Variants in PLEKHG4 observed in about 807,000 individuals in gnomAD.
PLEKHG4 encodes the protein pleckstrin homology and RhoGEF domain containing G4, also known as puratrophin-1.
PLEKHG4 carries 85 observed loss-of-function variants against 136.9 expected under a neutral mutation model. The ratio of observed to expected loss-of-function variants is 0.62; its 90% CI spans 0.52 to 0.74. The LOEUF (loss-of-function observed/expected upper bound fraction) is 0.74, where lower values mean the gene tolerates loss of function less well. Among genes scored for constraint, PLEKHG4 ranks in the 30% least tolerant of loss-of-function variants. The pLI, the probability that PLEKHG4 is intolerant of heterozygous loss-of-function variation, is 0.00. For synonymous variants in PLEKHG4, 577 were observed against 646.9 expected, an observed-to-expected ratio of 0.89 and a Z score of 1.64; for missense variants, 1,317 against 1,527.8, an observed-to-expected ratio of 0.86 and a Z score of 2.30.
chr16:67,280,193 G>A lies in PLEKHG4; in HGVS notation c.149G>A (p.Arg50Lys), dbSNP rs960603189. ...CACGTTAAGGACCCAGGTCCTCCAA[G>A]ACCACCAGCCGGGGCCACCCAGGAT... ...QMHVKDPGPPRPPAGATQDEE... is the reference protein window; with the variant it reads ...QMHVKDPGPPKPPAGATQDEE... The change falls in exon 2 of 22, where the codon AGA becomes AAA. Residue 50 changes from arginine (R) to lysine (K), a missense_variant. Transcript: ENST00000379344. The surrounding 1 kb of genome is among the most constrained non-coding windows in gnomAD (Gnocchi z 4.4). 1.2e-6 allele frequency: 2 copies of A among 1,613,910 alleles called. No homozygotes were observed. The highest frequency in any genetic ancestry group is 1.7e-5 in the Admixed American group (1 of 60,028).
In PLEKHG4 at chr16:67,287,106, G is replaced by A. The variant is rs2036511177; in HGVS notation, c.3032G>A (p.Ser1011Asn). Residue 1011 changes from serine (S) to asparagine (N), a missense_variant, in exon 18 of 22, where the codon AGC (serine) becomes AAC (asparagine). By Grantham distance (46) the Ser-to-Asn change is conservative (BLOSUM62 1). Coordinates refer to ENST00000379344, the MANE Select transcript of PLEKHG4 (RefSeq NM_001129729.3). The part of the protein sequence containing the change: ...ARDTFVLQAS[S>N]LAIKQAWTAD... ...GACACCTTTGTGCTGCAGGCCTCCA[G>A]CCTGGCTATCAAGCAGGCCTGGACA... is the stretch of plus-strand genomic sequence containing the variant. The A allele has an allele frequency of 6.2e-7, 1 of 1,612,552 alleles. No homozygotes were observed. The highest frequency in any genetic ancestry group is 1.3e-5 in the African/African-American group (1 of 74,958).
rs369994595 is a variant in PLEKHG4 at position 67,286,824 on chromosome 16, C to T, written c.2830C>T (p.Arg944Cys). 4.6e-5 allele frequency: 74 copies of T among 1,613,734 alleles called. No homozygotes were observed. The highest frequency in any genetic ancestry group is 6.7e-5 in the East Asian group (3 of 44,900). The stretch of plus-strand genomic sequence containing the variant: ...GCGCACTGGGCGCCACAAGTCCGTG[C>T]GCCGCATCTTCCTTTTTGAGGAGCT... The part of the protein sequence containing the change: ...VVRTGRHKSV[R>C]RIFLFEELLL... Residue 944 changes from arginine to cysteine, a missense_variant, in exon 17 of 22, where the codon CGC (arginine) becomes TGC (cysteine). Arg to Cys is a radical substitution (Grantham distance 180). Transcript: ENST00000379344.
chr16:67,285,560 A>G, intron 14 of PLEKHG4, 24 bp downstream of exon 14: 1 of 1,602,248 alleles, frequency 6.2e-7, no homozygotes, highest in Non-Finnish European at 8.5e-7. Flanking sequence ...GCCATGTGGT[A>G]TCAGCTCGTT....
At chr16:67,286,966 G>A (rs1388196176) in intron 17 of PLEKHG4, 34 bp from the exon 18 acceptor site, 9 of 1,612,572 alleles carry the variant, frequency 5.6e-6, no homozygotes, top group Non-Finnish European at 8.5e-7. Context: ...CCCGCCCCAT[G>A]CCTTACCAAG....
In PLEKHG4 at chr16:67,282,856, C is replaced by T; in HGVS notation, c.1507C>T (p.Gln503Ter). 6.2e-7 allele frequency: 1 copy of T among 1,610,734 alleles called. No individual in the cohort carries two copies. The change falls in exon 11 of 22, where the codon CAG becomes TAG. Residue 503 changes from glutamine (Q) to a stop codon, truncating the protein, a stop_gained and splice_region_variant. Coordinates refer to ENST00000379344, the MANE Select transcript of PLEKHG4 (RefSeq NM_001129729.3). LOFTEE classifies it high-confidence loss of function. The part of the protein sequence containing the change: ...GSFQELYQVA[Q>*]EQVRQGEKFL... ...TTTTCAGGAGCTGTACCAGGTTGCC[C>T]AGGTATATGTGGTCACTTGTTCATG...
At position 67,286,744 on chromosome 16, in the gene PLEKHG4, T is replaced by A; in HGVS notation, c.2755-5T>A. 1 of 1,613,518 alleles carries A rather than the reference T, an allele frequency of 6.2e-7. No homozygotes were observed. The highest frequency in any genetic ancestry group is 8.5e-7 in the Non-Finnish European group (1 of 1,179,614). ...CTGGCCACCCACCAGCCCCCAACTC[T>A]GCAGGTTAACCTCAAGGAACAGGGG... On this transcript the variant is annotated splice_region_variant and splice_polypyrimidine_tract_variant and intron_variant, in intron 16 of 21. Coordinates refer to ENST00000379344, the MANE Select transcript of PLEKHG4 (RefSeq NM_001129729.3).
rs1351085638 is a variant in PLEKHG4 at position 67,289,210 on chromosome 16, GC to G, written c.*404del. 1 of 445,818 alleles carries G rather than the reference GC, an allele frequency of 2.2e-6. No homozygotes were observed. The highest frequency in any genetic ancestry group is 4.1e-6 in the Non-Finnish European group (1 of 244,158). 27.6% of individuals were successfully genotyped at this position (445,818 alleles called of 1,614,324 possible). A position where few individuals can be genotyped will look rare whatever the true frequency, so the allele number is the denominator to read the frequency against. ...GGGCTCCTAGCAGCTGATCCCCAAT[GC>G]CTGGCCTTAAAGCCGAGCTCAGTTA... On this transcript the variant is annotated 3_prime_UTR_variant, in exon 22 of 22. Coordinates refer to ENST00000379344, the MANE Select transcript of PLEKHG4 (RefSeq NM_001129729.3).
chr16:67,288,382 G>A lies in PLEKHG4; in HGVS notation c.3436G>A (p.Gly1146Ser), dbSNP rs767948535. ...AGCACTGGAGGCTGAGGCAGAGCTG[G>A]GCGGCCAGCCCTCTTTGAGTATGTC... ...EAALEAEAELGGQPSLTAEDS... is the reference protein window; with the variant it reads ...EAALEAEAELSGQPSLTAEDS... The change falls in exon 20 of 22, where the codon GGC becomes AGC. Residue 1146 changes from glycine to serine, a missense_variant. Physicochemically the swap from Gly to Ser is moderately conservative, Grantham distance 56. Transcript: ENST00000379344. 2 of 1,611,628 alleles carry A rather than the reference G, an allele frequency of 1.2e-6. No individual in the cohort carries two copies. The highest frequency in any genetic ancestry group is 2.7e-5 in the African/African-American group (2 of 74,930).
chr16:67,281,783 T>C lies in PLEKHG4; in HGVS notation c.951T>C (p.Thr317=), dbSNP rs1259822926. 3 of 1,613,726 alleles carry C rather than the reference T, an allele frequency of 1.9e-6. No homozygotes were observed. Among genetic ancestry groups the C allele is most frequent in the Admixed American group, 3.3e-5 (2 of 60,010 alleles). The change falls in exon 7 of 22, where the codon ACT becomes ACC. Residue 317 remains threonine (T), a synonymous_variant. Transcript: ENST00000379344. ...ACATCCCAACGGCGGGGCTGCCCAC[T>C]TCGCTAGGAGGAGGCCTGCCTTACT... is the stretch of plus-strand genomic sequence containing the variant. ...LTHIPTAGLP[T]SLGGGLPYCH... is the part of the protein sequence containing the mutation.
chr16:67,284,359 C>G lies in PLEKHG4; in HGVS notation c.1594C>G (p.Leu532Val), dbSNP rs145759648. The G allele has an allele frequency of 1.4e-5, 23 of 1,614,064 alleles. No homozygotes were observed. The African/African-American group carries it at 1.9e-4, about 13-fold the overall frequency. ...AELDPPGARFLALRAQLTEFS... is the reference protein window; with the variant it reads ...AELDPPGARFVALRAQLTEFS... ...ACTGGACCCCCCTGGGGCACGCTTTCTGGCCCTGCGAGCCCAGCTGACTGA... is the reference window on the plus strand; with the variant it reads ...ACTGGACCCCCCTGGGGCACGCTTTGTGGCCCTGCGAGCCCAGCTGACTGA... Residue 532 changes from leucine (L) to valine (V), a missense_variant, in exon 12 of 22, where the codon CTG (leucine) becomes GTG (valine). Coordinates refer to ENST00000379344, the MANE Select transcript of PLEKHG4 (RefSeq NM_001129729.3). This position sits in a 1 kb window ranked among gnomAD's most constrained non-coding sequence, Gnocchi z 4.4.
Position 67,285,531 on chromosome 16 carries a change from C to T in PLEKHG4, c.2437C>T (p.Arg813Cys), listed in dbSNP as rs761920238. 19 of 1,607,540 alleles carry T rather than the reference C, an allele frequency of 1.2e-5. No individual in the cohort carries two copies. The highest frequency in any genetic ancestry group is 1.6e-4 in the Middle Eastern group (1 of 6,084). ...HPPRVAYAFL[R>C]HRVQFGMYAL... ...ACCACGAGTGGCCTATGCCTTCCTGCGCCATGTAAGCCCGACAGGCCATGT... is the reference window on the plus strand; with the variant it reads ...ACCACGAGTGGCCTATGCCTTCCTGTGCCATGTAAGCCCGACAGGCCATGT... The change falls in exon 14 of 22, where the codon CGC becomes TGC. Residue 813 changes from arginine to cysteine, a missense_variant. By Grantham distance (180) the Arg-to-Cys change is radical (BLOSUM62 -3). Transcript: ENST00000379344.
At position 67,289,311 on chromosome 16, in the gene PLEKHG4, TG is replaced by T; in HGVS notation, c.*507del. 1 of 440,068 alleles carries T rather than the reference TG, an allele frequency of 2.3e-6. No individual in the cohort carries two copies. The highest frequency in any genetic ancestry group is 3.5e-5 in the South Asian group (1 of 28,300). The allele number at this position is 440,068 out of a possible 1,614,324, so 27.3% of individuals were successfully genotyped here. On this transcript the variant is annotated 3_prime_UTR_variant, in exon 22 of 22. Coordinates refer to ENST00000379344, the MANE Select transcript of PLEKHG4 (RefSeq NM_001129729.3). Reference sequence around the variant, plus strand: ...GCCCCCAGGCCCAGCCCCTTTTTACTGGGGCAGTTTCGTTATTTTGACTTGA... The same window carrying T: ...GCCCCCAGGCCCAGCCCCTTTTTACTGGGCAGTTTCGTTATTTTGACTTGA...
chr16:67,285,687 A>G (rs1021250681), intron 14 of PLEKHG4, 151 bp downstream of exon 14: 3 of 848,310 alleles, frequency 3.5e-6, no homozygotes, highest in Non-Finnish European at 5.8e-6. Flanking sequence ...TTAGTCCAGT[A>G]GAGGAGACAT....
chr16:67,280,696 A>T lies in PLEKHG4; in HGVS notation c.500-15A>T. The T allele has an allele frequency of 6.2e-7, 1 of 1,613,990 alleles. No individual in the cohort carries two copies. The highest frequency in any genetic ancestry group is 1.1e-5 in the South Asian group (1 of 91,084). On this transcript the variant is annotated splice_polypyrimidine_tract_variant and intron_variant, in intron 2 of 21. Transcript: ENST00000379344. The surrounding 1 kb of genome is among the most constrained non-coding windows in gnomAD (Gnocchi z 4.4). Reference sequence around the variant, plus strand: ...AGGTGGTCCAAGGCAGACCCAAGTCATTTCCCTTCCCAAGCCCCCAGTGGA... The same window carrying T: ...AGGTGGTCCAAGGCAGACCCAAGTCTTTTCCCTTCCCAAGCCCCCAGTGGA...
Position 67,284,873 on chromosome 16 carries a change from C to T in PLEKHG4, c.1853C>T (p.Ser618Leu). 6.2e-7 allele frequency: 1 copy of T among 1,612,912 alleles called. No homozygotes were observed. The highest frequency in any genetic ancestry group is 1.7e-5 in the Admixed American group (1 of 59,974). ...KMWALATGLG[S>L]EAIRQECRWA... Reference sequence around the variant, plus strand: ...TGGGCTCTGGCCACGGGGCTGGGCTCAGAGGCCATCCGCCAGGAGTGCCGC... The same window carrying T: ...TGGGCTCTGGCCACGGGGCTGGGCTTAGAGGCCATCCGCCAGGAGTGCCGC... Residue 618 changes from serine (S) to leucine (L), a missense_variant, in exon 13 of 22, where the codon TCA becomes TTA. Coordinates refer to ENST00000379344, the MANE Select transcript of PLEKHG4 (RefSeq NM_001129729.3). This position sits in a 1 kb window ranked among gnomAD's most constrained non-coding sequence, Gnocchi z 4.4.
chr16:67,284,424 G>T lies in PLEKHG4; in HGVS notation c.1659G>T (p.Ala553=). Residue 553 remains alanine (A), a synonymous_variant, in exon 12 of 22, where the codon GCG becomes GCT. Transcript: ENST00000379344. This position sits in a 1 kb window ranked among gnomAD's most constrained non-coding sequence, Gnocchi z 4.4. ...TGGCCCAGCGGTGCCAGCGGCTGGC[G>T]GATGCTGAGAGGCTGTTTCAGCTCT... ...RALAQRCQRL[A]DAERLFQLFR... 5 of 1,614,040 alleles carry T rather than the reference G, an allele frequency of 3.1e-6. No homozygotes were observed. The highest frequency in any genetic ancestry group is 1.1e-5 in the South Asian group (1 of 91,078).
intron 8 of PLEKHG4, 42 bp from the exon 9 acceptor site, chr16:67,282,155 CTTCT>C (rs1415558422): frequency 8.1e-6 from 13 of 1,596,492 alleles, no homozygotes; most frequent in Non-Finnish European, 1.1e-5. Flanking sequence ...TGTCTCCCTC[CTTCT>C]CTCCCATGGC....
chr16:67,286,283 T>G lies in PLEKHG4; in HGVS notation c.2452T>G (p.Phe818Val). Residue 818 changes from phenylalanine to valine, a missense_variant, in exon 15 of 22, where the codon TTT becomes GTT. Coordinates refer to ENST00000379344, the MANE Select transcript of PLEKHG4 (RefSeq NM_001129729.3). Reference protein sequence around the residue: ...AYAFLRHRVQFGMYALYSKNK... With the variant: ...AYAFLRHRVQVGMYALYSKNK... ...CCACATGTCCTTGTAGAGGGTGCAG[T>G]TTGGGATGTACGCGCTCTACAGCAA... The G allele has an allele frequency of 1.2e-6, 2 of 1,612,716 alleles. No individual in the cohort carries two copies. The highest frequency in any genetic ancestry group is 1.7e-6 in the Non-Finnish European group (2 of 1,178,780).
Position 67,281,720 on chromosome 16 carries a change from GTA to G in PLEKHG4, c.892-3_892-2del. ...CTGGGTCACAACACCTTCTTCTCCT[GTA>G]GCTGGAGCAGTTGCCTTCTCAGAGC... is the stretch of plus-strand genomic sequence containing the variant. On this transcript the variant is annotated splice_acceptor_variant and splice_polypyrimidine_tract_variant and intron_variant, in intron 6 of 21. Coordinates refer to ENST00000379344, the MANE Select transcript of PLEKHG4 (RefSeq NM_001129729.3). LOFTEE classifies it high-confidence loss of function. The G allele has an allele frequency of 3.1e-6, 5 of 1,614,058 alleles. No homozygotes were observed. The highest frequency in any genetic ancestry group is 3.4e-6 in the Non-Finnish European group (4 of 1,179,948).
Sources: allele counts gnomAD v4.1 joint callset, GRCh38; gene constraint gnomAD v4.1.1; non-coding constraint Gnocchi (gnomAD v3.1); transcripts MANE v1.5; gene names NCBI Gene and HGNC (gene_info 2026-07-23, HGNC 2026-07-21).